PPP2R5C: variants seen among roughly 807,000 people sequenced by gnomAD.
The protein encoded by PPP2R5C is serine/threonine-protein phosphatase 2A 56 kDa regulatory subunit gamma isoform.
In PPP2R5C, 7 loss-of-function variants were observed where a neutral mutation model predicts 68.9. That is an observed-to-expected ratio of 0.10 (90% confidence interval 0.06 to 0.19). The LOEUF is 0.19. PPP2R5C is among the 10% of genes least tolerant of loss of function. The probability of loss-of-function intolerance (pLI) is 1.00; values close to 1 mark genes in which losing one functional copy is unlikely to be tolerated. For missense variants in PPP2R5C, 348 were observed against 641.3 expected (o/e 0.54, Z 4.94); for synonymous variants, 210 against 222.2 (o/e 0.95, Z 0.49).
chr14:101,881,566 G>A (rs1286669784), intron 2 of PPP2R5C, among the ~76,000 whole-genome samples: 4 of 152,190 alleles, frequency 2.6e-5, no homozygotes, highest in Non-Finnish European at 5.9e-5. Flanking sequence ...TGGGCGCACA[G>A]CCATGCTGCC....
chr14:101,833,694 A>G (rs7161261), intron 1 of PPP2R5C, among the ~76,000 whole-genome samples: 1 of 152,210 alleles, frequency 6.6e-6, no homozygotes, highest in Non-Finnish European at 1.5e-5. Context: ...GAGTCAGTTC[A>G]CTGTTCCAAA....
chr14:101,794,300 T>C (rs1403267748), intron 3 of PPP2R5C, among the ~76,000 whole-genome samples: 1 of 152,212 alleles, frequency 6.6e-6, no homozygotes, highest in African/African-American at 2.4e-5. Flanking sequence ...TATGGGTATA[T>C]TCTCTTAAAC....
At chr14:101,884,189 G>A (rs998943127) in intron 5 of PPP2R5C, among the ~76,000 whole-genome samples, 7 of 152,154 alleles carry the variant, frequency 4.6e-5, no homozygotes, top group African/African-American at 1.4e-4. Flanking sequence ...GAGAAAGATG[G>A]AGGCCAGAAG....
At chr14:101,927,341 A>G (rs1009368117) in exon 14 of PPP2R5C, 1 of 152,646 alleles carries the variant, frequency 6.6e-6, no homozygotes, top group Non-Finnish European at 1.5e-5. Context: ...CAGAGAAACT[A>G]ATTTTCTTTG....
At chr14:101,774,852 A>G (rs1351733081) in intron 2 of PPP2R5C, among the ~76,000 whole-genome samples, 2 of 152,260 alleles carry the variant, frequency 1.3e-5, no homozygotes, top group Non-Finnish European at 2.9e-5. Context: ...GTAAAGGGCC[A>G]GATAGTAAAT....
intron 2 of PPP2R5C, among the ~76,000 whole-genome samples, chr14:101,873,358 T>A (rs2043546190): frequency 6.6e-6 from 1 of 152,248 alleles, no homozygotes. Flanking sequence ...TCTCTATTCA[T>A]GTTCTTGAGA....
intron 8 of PPP2R5C, among the ~76,000 whole-genome samples, chr14:101,900,459 G>A (rs1454457599): frequency 6.6e-6 from 1 of 152,198 alleles, no homozygotes; most frequent in African/African-American, 2.4e-5. Context: ...ACAAGAGTCG[G>A]GTAGAAGCCC....
At chr14:101,857,759 C>T (rs188368739) in intron 2 of PPP2R5C, among the ~76,000 whole-genome samples, 7 of 152,212 alleles carry the variant, frequency 4.6e-5, no homozygotes, top group Admixed American at 1.3e-4. Flanking sequence ...TAGTACCCCC[C>T]ACACACACAC....
At chr14:101,796,967 A>G (rs991695210) in intron 3 of PPP2R5C, 1 of 344,418 alleles carries the variant, frequency 2.9e-6, no homozygotes, top group Admixed American at 3.8e-5. Context: ...TATTTTAACC[A>G]TTCATAAGTG....
chr14:101,907,773 C>G (rs535486759), intron 10 of PPP2R5C, among the ~76,000 whole-genome samples: 2 of 152,308 alleles, frequency 1.3e-5, no homozygotes, highest in Admixed American at 1.3e-4. Flanking sequence ...TGCACAGTCA[C>G]CCTGCTGCCG....
intron 1 of PPP2R5C, among the ~76,000 whole-genome samples, chr14:101,845,001 G>A (rs2041736692): frequency 6.6e-6 from 1 of 152,106 alleles, no homozygotes; most frequent in Non-Finnish European, 1.5e-5. Context: ...CAGTGCCCTG[G>A]GTGCCTGTTC....
At chr14:101,792,375 A>G (rs2038399188) in intron 3 of PPP2R5C, among the ~76,000 whole-genome samples, 2 of 152,224 alleles carry the variant, frequency 1.3e-5, no homozygotes, top group African/African-American at 2.4e-5. Flanking sequence ...CCTGTCAACC[A>G]TGTGCTAATG....
At chr14:101,766,026 G>A (rs747260153) in intron 2 of PPP2R5C, 1 of 152,258 alleles carries the variant, frequency 6.6e-6, no homozygotes, top group Non-Finnish European at 1.5e-5. Context: ...ACCTGTCCAG[G>A]GCAGAGCAGC....
chr14:101,795,365 G>C (rs1203933496), intron 3 of PPP2R5C, among the ~76,000 whole-genome samples: 1 of 152,152 alleles, frequency 6.6e-6, no homozygotes, highest in African/African-American at 2.4e-5. Context: ...TATTTGATAA[G>C]TAGAAAAAGG....
chr14:101,770,431 C>T (rs1426020474), intron 2 of PPP2R5C, among the ~76,000 whole-genome samples: 1 of 152,172 alleles, frequency 6.6e-6, no homozygotes, highest in East Asian at 1.9e-4. Flanking sequence ...TTGGCCCCCA[C>T]TCAGTTAGAT....
At chr14:101,838,390 C>T (rs2041252336) in intron 1 of PPP2R5C, among the ~76,000 whole-genome samples, 1 of 152,170 alleles carries the variant, frequency 6.6e-6, no homozygotes, top group African/African-American at 2.4e-5. Flanking sequence ...AGTTTGTTTG[C>T]TTATTTGTTA....
At chr14:101,873,346 T>A (rs1200181740) in intron 2 of PPP2R5C, among the ~76,000 whole-genome samples, 1 of 152,248 alleles carries the variant, frequency 6.6e-6, no homozygotes, top group Non-Finnish European at 1.5e-5. Context: ...TTGAGTGCTA[T>A]ATCTCTATTC....
chr14:101,906,597 G>A lies in PPP2R5C; in HGVS notation c.1151+68G>A. 2.0e-6 allele frequency: 3 copies of A among 1,491,610 alleles called. No individual in the cohort carries two copies. Among genetic ancestry groups the A allele is most frequent in the Non-Finnish European group, 2.7e-6 (3 of 1,103,896 alleles). The allele number at this position is 1,491,610 out of a possible 1,614,324, so 92.4% of individuals were successfully genotyped here. A position where few individuals can be genotyped will look rare whatever the true frequency, so the allele number is the denominator to read the frequency against. ...TATGGCACGTTTTACTGCTACTTCA[G>A]TAAGAATAAATATCAGAATTTTAAA... On this transcript the variant is annotated intron_variant, in intron 10 of 13. Transcript: ENST00000334743. The surrounding 1 kb of genome is among the most constrained non-coding windows in gnomAD (Gnocchi z 4.0).
In PPP2R5C at chr14:101,913,837, G is replaced by A. The variant is rs1297736218; in HGVS notation, c.1326+1364G>A. Reference sequence around the variant, plus strand: ...TGTCAAGGACCCCAGTACACATGCAGTTGAAATCAGTAGCCTCGAAAACAT... The same window carrying A: ...TGTCAAGGACCCCAGTACACATGCAATTGAAATCAGTAGCCTCGAAAACAT... On this transcript the variant is annotated intron_variant, in intron 12 of 13. Coordinates refer to ENST00000334743, the Ensembl canonical transcript of PPP2R5C. This position sits in a 1 kb window ranked among gnomAD's most constrained non-coding sequence, Gnocchi z 4.1. 6.6e-6 allele frequency among the ~76,000 whole-genome samples: 1 copy of A among 152,136 alleles called. No individual in the cohort carries two copies. The highest frequency in any genetic ancestry group is 6.5e-5 in the Admixed American group (1 of 15,272).
Sources: gnomAD v4.1 joint callset for allele counts (sites outside exome capture counted in the v4.1 genomes callset) on GRCh38, gnomAD v4.1.1 for gene constraint, Gnocchi (gnomAD v3.1) non-coding constraint, MANE v1.5 for transcripts, NCBI Gene and HGNC (gene_info 2026-07-23, HGNC 2026-07-21) for gene names.